Variants in GRID1 observed in about 807,000 individuals in gnomAD.
GRID1 encodes the protein glutamate receptor ionotropic, delta-1.
GRID1 carries 28 observed loss-of-function variants against 98.0 expected under a neutral mutation model. The ratio of observed to expected loss-of-function variants is 0.29; its 90% CI spans 0.21 to 0.39. The LOEUF (loss-of-function observed/expected upper bound fraction) is 0.39, where lower values mean the gene tolerates loss of function less well. Among genes scored for constraint, GRID1 ranks in the 10% least tolerant of loss-of-function variants. The probability of loss-of-function intolerance (pLI) is 1.00; values close to 1 mark genes in which losing one functional copy is unlikely to be tolerated. For missense variants in GRID1, 1,111 were observed against 1,340.5 expected, an observed-to-expected ratio of 0.83 and a Z score of 2.67; for synonymous variants, 553 against 538.5, an observed-to-expected ratio of 1.03 and a Z score of -0.37.
intron 12 of GRID1, among the ~76,000 whole-genome samples, chr10:85,705,877 T>C (rs1226992094): frequency 6.6e-6 from 1 of 152,182 alleles, no homozygotes; most frequent in East Asian, 1.9e-4. Flanking sequence ...ATTATCCCAA[T>C]AGATGCAGAA....
intron 4 of GRID1, among the ~76,000 whole-genome samples, chr10:85,983,937 C>T (rs903929769): frequency 6.6e-6 from 1 of 152,028 alleles, no homozygotes; most frequent in Non-Finnish European, 1.5e-5. Context: ...AGGACGCTCA[C>T]CCTCATCATG....
At chr10:85,912,218 T>C (rs955310562) in intron 5 of GRID1, among the ~76,000 whole-genome samples, 1 of 152,192 alleles carries the variant, frequency 6.6e-6, no homozygotes, top group South Asian at 2.1e-4. Context: ...ACAAGTTCTT[T>C]TGAATCCCCT....
At chr10:85,915,379 T>C (rs561596025) in intron 5 of GRID1, among the ~76,000 whole-genome samples, 1 of 151,924 alleles carries the variant, frequency 6.6e-6, no homozygotes, top group South Asian at 2.1e-4. Flanking sequence ...CACACTCACA[T>C]GCACACATAA....
chr10:86,357,636 G>A (rs1848550067), intron 2 of GRID1, among the ~76,000 whole-genome samples: 3 of 152,168 alleles, frequency 2.0e-5, no homozygotes, highest in Admixed American at 6.5e-5. Context: ...ATGCATGCAT[G>A]TGTGTGTGTG....
intron 4 of GRID1, among the ~76,000 whole-genome samples, chr10:86,108,149 G>A (rs1295871327): frequency 6.6e-6 from 1 of 152,166 alleles, no homozygotes; most frequent in Non-Finnish European, 1.5e-5. Flanking sequence ...TCGCCATGGG[G>A]TCGGAGCCCC....
chr10:86,307,615 C>T (rs1847776195), intron 2 of GRID1, among the ~76,000 whole-genome samples: 1 of 152,108 alleles, frequency 6.6e-6, no homozygotes, highest in Non-Finnish European at 1.5e-5. Flanking sequence ...ATCTAATGCA[C>T]AGCACGAAGA....
intron 12 of GRID1, among the ~76,000 whole-genome samples, chr10:85,718,811 T>C (rs548947442): frequency 2.3e-3 from 350 of 152,344 alleles, no homozygotes; most frequent in Middle Eastern, 0.01. Flanking sequence ...CCCCACGGTC[T>C]TGGGGATTAA....
chr10:86,348,498 G>A (rs1017291389), intron 2 of GRID1, among the ~76,000 whole-genome samples: 2 of 152,186 alleles, frequency 1.3e-5, no homozygotes, highest in Non-Finnish European at 2.9e-5. Flanking sequence ...GCCAGACCAC[G>A]AGGACTTGAA....
intron 4 of GRID1, among the ~76,000 whole-genome samples, chr10:86,037,970 A>C (rs180717755): frequency 1.8e-4 from 27 of 152,274 alleles, no homozygotes; most frequent in Admixed American, 1.7e-3. Context: ...AGTTAAAATA[A>C]GGTCATTAAG....
intron 2 of GRID1, among the ~76,000 whole-genome samples, chr10:86,255,774 G>T (rs1846908185): frequency 6.6e-6 from 1 of 152,178 alleles, no homozygotes; most frequent in Admixed American, 6.5e-5. Context: ...GCACTCACTT[G>T]TGCTGGGCTG....
At chr10:85,672,042 C>T (rs1048258287) in intron 12 of GRID1, among the ~76,000 whole-genome samples, 1 of 152,202 alleles carries the variant, frequency 6.6e-6, no homozygotes, top group Non-Finnish European at 1.5e-5. Context: ...CATAACATAA[C>T]AGTGCAAGGT....
chr10:85,691,624 A>C (rs1484672176), intron 12 of GRID1, among the ~76,000 whole-genome samples: 1 of 152,204 alleles, frequency 6.6e-6, no homozygotes, highest in African/African-American at 2.4e-5. Flanking sequence ...GAATTAACTA[A>C]CTACCAAGTT....
chr10:86,236,561 T>C (rs1357601235), intron 2 of GRID1, among the ~76,000 whole-genome samples: 1 of 152,192 alleles, frequency 6.6e-6, no homozygotes, highest in Admixed American at 6.5e-5. Context: ...CCAGGACAGC[T>C]TGAGCCCTAG....
At chr10:86,061,383 G>A (rs1242731290) in intron 4 of GRID1, among the ~76,000 whole-genome samples, 1 of 152,144 alleles carries the variant, frequency 6.6e-6, no homozygotes, top group Non-Finnish European at 1.5e-5. Flanking sequence ...GATCCAGAGA[G>A]GATCCTGTCT....
chr10:85,854,884 C>T (rs1186020653), intron 7 of GRID1, among the ~76,000 whole-genome samples: 1 of 152,222 alleles, frequency 6.6e-6, no homozygotes, highest in Non-Finnish European at 1.5e-5. Context: ...CTGCTATGTG[C>T]CAGGCACCAT....
At chr10:85,752,443 T>TAC (rs1434656483) in intron 8 of GRID1, among the ~76,000 whole-genome samples, 1 of 152,190 alleles carries the variant, frequency 6.6e-6, no homozygotes, top group African/African-American at 2.4e-5. Flanking sequence ...TACATATATA[T>TAC]ACTAACATAT....
chr10:86,146,032 G>T (rs1360145396), intron 3 of GRID1, among the ~76,000 whole-genome samples: 1 of 152,170 alleles, frequency 6.6e-6, no homozygotes, highest in Non-Finnish European at 1.5e-5. Flanking sequence ...TAGTCACTGG[G>T]TATTTTTAAT....
intron 2 of GRID1, among the ~76,000 whole-genome samples, chr10:86,319,082 T>G (rs1336500319): frequency 6.6e-6 from 1 of 152,054 alleles, no homozygotes; most frequent in African/African-American, 2.4e-5. Context: ...GTGCAACGAC[T>G]CTGAGGTCCT....
chr10:86,185,060 G>T (rs1002283410), intron 3 of GRID1, among the ~76,000 whole-genome samples: 2 of 152,056 alleles, frequency 1.3e-5, no homozygotes, highest in Non-Finnish European at 2.9e-5. Flanking sequence ...TGAATCTATA[G>T]ATTAATTTGG....
Sources: allele counts gnomAD v4.1 joint callset (sites outside exome capture counted in the v4.1 genomes callset), GRCh38; gene constraint gnomAD v4.1.1; transcripts MANE v1.5; gene names NCBI Gene and HGNC (gene_info 2026-07-23, HGNC 2026-07-21).